Variants in MAP4 observed in about 807,000 individuals in gnomAD.
The protein encoded by MAP4 is microtubule-associated protein 4.
Under a neutral mutation model 170.2 loss-of-function variants are expected in MAP4, and 76 were observed. The ratio of observed to expected loss-of-function variants is 0.45; its 90% confidence interval spans 0.37 to 0.54. MAP4 has a LOEUF of 0.54. MAP4 is among the 20% of genes least tolerant of loss of function. The probability of loss-of-function intolerance (pLI) is 0.00; values close to 1 mark genes in which losing one functional copy is unlikely to be tolerated. For missense variants in MAP4, 2,506 were observed against 2,748.0 expected (o/e 0.91, Z 1.97); for synonymous variants, 909 against 994.5 (o/e 0.91, Z 1.62).
intron 10 of MAP4, chr3:47,891,122 T>C: frequency 6.5e-7 from 1 of 1,536,396 alleles, no homozygotes; most frequent in Non-Finnish European, 8.7e-7. Flanking sequence ...TCCTGGCTGT[T>C]TCTCTCCTCG....
intron 16 of MAP4, 132 bp from the exon 17 acceptor site, chr3:47,867,470 T>C: frequency 1.4e-6 from 1 of 690,642 alleles, no homozygotes; most frequent in Non-Finnish European, 2.6e-6. Context: ...ACCCCCACCT[T>C]CTACAGAACA....
chr3:47,929,160 G>C (rs2100047858), intron 3 of MAP4, among the ~76,000 whole-genome samples: 1 of 152,104 alleles, frequency 6.6e-6, no homozygotes. Context: ...TTCGAGACCA[G>C]CCTGACCAAC....
At chr3:47,924,668 C>G (rs1409013587) in intron 4 of MAP4, among the ~76,000 whole-genome samples, 2 of 152,146 alleles carry the variant, frequency 1.3e-5, no homozygotes, top group African/African-American at 4.8e-5. Context: ...ATCTGAAGAC[C>G]TGACTGGGGC....
intron 1 of MAP4, among the ~76,000 whole-genome samples, chr3:48,086,291 C>G (rs1315447709): frequency 1.3e-5 from 2 of 151,822 alleles, no homozygotes; most frequent in Non-Finnish European, 2.9e-5. Context: ...CCACTGCACT[C>G]CAGCCTGGAT....
chr3:47,866,315 C>CA (rs2079854961), intron 17 of MAP4, among the ~76,000 whole-genome samples: 1 of 150,990 alleles, frequency 6.6e-6, no homozygotes, highest in Non-Finnish European at 1.5e-5. Context: ...CCAGCCTGGG[C>CA]AACAGAGTGA....
At chr3:47,871,383 A>C in intron 13 of MAP4, 97 bp from the exon 14 acceptor site, 1 of 1,030,112 alleles carries the variant, frequency 9.7e-7, no homozygotes, top group East Asian at 2.4e-5. Context: ...CAATTACTGA[A>C]TATCTACTTT....
intron 1 of MAP4, among the ~76,000 whole-genome samples, chr3:48,036,339 A>G (rs146529338): frequency 6.6e-6 from 1 of 152,282 alleles, no homozygotes; most frequent in East Asian, 1.9e-4. Context: ...GTAACCAGTT[A>G]GCTCCCTTCA....
At chr3:48,004,373 T>C (rs576962621) in intron 1 of MAP4, among the ~76,000 whole-genome samples, 10 of 152,206 alleles carry the variant, frequency 6.6e-5, no homozygotes, top group Non-Finnish European at 1.3e-4. Context: ...GTAAGGACTT[T>C]AGTGACTCTA....
chr3:48,048,066 G>C (rs1037994743), intron 1 of MAP4, among the ~76,000 whole-genome samples: 1 of 152,174 alleles, frequency 6.6e-6, no homozygotes, highest in Non-Finnish European at 1.5e-5. Flanking sequence ...GATTATGCCT[G>C]TGAACAGCCA....
At chr3:48,001,954 G>A (rs888702208) in intron 1 of MAP4, among the ~76,000 whole-genome samples, 11 of 151,852 alleles carry the variant, frequency 7.2e-5, no homozygotes, top group Non-Finnish European at 1.5e-4. Context: ...TCAGCTCACC[G>A]GAACCTCCAC....
chr3:48,007,766 A>G (rs1415432414), intron 1 of MAP4, among the ~76,000 whole-genome samples: 2 of 150,374 alleles, frequency 1.3e-5, no homozygotes, highest in Non-Finnish European at 1.5e-5. Flanking sequence ...TCCACCTCCC[A>G]GGTTCAAGCG....
Position 47,936,809 on chromosome 3 carries a change from C to T in MAP4, c.293-8459G>A, listed in dbSNP as rs140429988. 9.0e-3 allele frequency among the ~76,000 whole-genome samples: 1,358 copies of T among 151,722 alleles called. 8 individuals carry two copies. The highest frequency in any genetic ancestry group is 0.014 in the South Asian group (69 of 4,790). ...CAGCCTGGCCAACATGGAGAAACCC[C>T]GTCTCAACTAAAAATATAAAATTAG... On this transcript the variant is annotated intron_variant, in intron 3 of 20. Coordinates refer to ENST00000683076, the MANE Select transcript of MAP4 (RefSeq NM_001385682.1).
chr3:47,995,250 C>CTTTT (rs67017707), intron 2 of MAP4, among the ~76,000 whole-genome samples: 4 of 112,218 alleles, frequency 3.6e-5, no homozygotes, highest in East Asian at 2.7e-4. Context: ...TTTTTCTTTT[C>CTTTT]TTTTTTTTTT....
intron 5 of MAP4, among the ~76,000 whole-genome samples, 157 bp downstream of exon 5, chr3:47,921,608 G>A (rs2100042900): frequency 6.6e-6 from 1 of 152,044 alleles, no homozygotes; most frequent in Non-Finnish European, 1.5e-5. Context: ...TCATTCCCTA[G>A]GTACCTCTCA....
intron 3 of MAP4, among the ~76,000 whole-genome samples, chr3:47,970,728 A>C (rs2100078164): frequency 6.6e-6 from 1 of 152,162 alleles, no homozygotes; most frequent in Non-Finnish European, 1.5e-5. Flanking sequence ...GAGGCAGGAG[A>C]ATCGCTCGAA....
At chr3:47,893,111 T>C (rs889525388) in intron 10 of MAP4, among the ~76,000 whole-genome samples, 1 of 151,686 alleles carries the variant, frequency 6.6e-6, no homozygotes, top group African/African-American at 2.4e-5. Context: ...TTTGCTGTCA[T>C]AGCAACTTAT....
At chr3:48,045,221 G>A (rs1039721500) in intron 1 of MAP4, among the ~76,000 whole-genome samples, 2 of 140,496 alleles carry the variant, frequency 1.4e-5, no homozygotes, top group Non-Finnish European at 3.0e-5. Flanking sequence ...TCGCACCACT[G>A]TGTTCCAGCC....
chr3:47,910,859 G>A lies in MAP4; in HGVS notation c.3562C>T (p.Gln1188Ter). Residue 1188 changes from glutamine to a stop codon, truncating the protein, a stop_gained, in exon 9 of 21, where the codon CAG (glutamine) becomes TAG (stop). Transcript: ENST00000683076. LOFTEE classifies it high-confidence loss of function. Reference sequence around the variant, plus strand: ...CATGGACACCTTCCTTCCTTGCTCTGGTTATTGACACCCATATCTTTGACT... The same window carrying A: ...CATGGACACCTTCCTTCCTTGCTCTAGTTATTGACACCCATATCTTTGACT... ...DVVKDMGVNN[Q>*]SKEGRCPWKD... The A allele has an allele frequency of 6.5e-7, 1 of 1,536,058 alleles. No homozygotes were observed. Among genetic ancestry groups the A allele is most frequent in the Non-Finnish European group, 8.7e-7 (1 of 1,146,906 alleles).
At chr3:47,912,688 G>T (rs1460138512) in intron 8 of MAP4, among the ~76,000 whole-genome samples, 1 of 152,130 alleles carries the variant, frequency 6.6e-6, no homozygotes, top group Non-Finnish European at 1.5e-5. Context: ...TGAAATTTCA[G>T]AAGTAGCAGG....
Sources: gnomAD v4.1 joint callset for allele counts (sites outside exome capture counted in the v4.1 genomes callset) on GRCh38, gnomAD v4.1.1 for gene constraint, MANE v1.5 for transcripts, NCBI Gene and HGNC (gene_info 2026-07-23, HGNC 2026-07-21) for gene names.